Variants in CCDC102B observed in about 807,000 individuals in gnomAD.
CCDC102B encodes the protein coiled-coil domain-containing protein 102B.
Under a neutral mutation model 57.4 loss-of-function variants are expected in CCDC102B, and 75 were observed. The observed-to-expected ratio is 1.31, with a 90% CI of 1.08 to 1.58. The LOEUF (loss-of-function observed/expected upper bound fraction) is 1.58. Among genes scored for constraint, CCDC102B ranks in the 40% most tolerant of loss-of-function variants. The pLI is 0.00. For missense variants in CCDC102B, 636 were observed against 582.6 expected (o/e 1.09, Z -0.94); for synonymous variants, 206 against 201.9 (o/e 1.02, Z -0.17).
chr18:68,813,215 T>C (rs476314), intron 1 of CCDC102B, among the ~76,000 whole-genome samples: 148,858 of 152,202 alleles, frequency 0.98, 72,871 homozygotes, highest in East Asian at 1. Context: ...CTCTCTCCTG[T>C]TTCGCCATAA....
chr18:69,017,247 C>A (rs1599853807), intron 7 of CCDC102B, among the ~76,000 whole-genome samples: 1 of 152,142 alleles, frequency 6.6e-6, no homozygotes, highest in East Asian at 1.9e-4. Context: ...CCGCAAATAG[C>A]TGGGATTATA....
At position 68,860,376 on chromosome 18, in the gene CCDC102B, G is replaced by A. The variant is rs1315414766; in HGVS notation, c.936+13955G>A. Among the ~76,000 whole-genome samples the A allele has an allele frequency of 1.3e-4, 6 of 47,802 alleles. 1 individual carries two copies. The highest frequency in any genetic ancestry group is 1.2e-3 in the South Asian group (2 of 1,628). 31.4% of individuals were successfully genotyped at this position (47,802 alleles called of 152,430 possible). On this transcript the variant is annotated intron_variant, in intron 4 of 7. Coordinates refer to ENST00000360242, the MANE Select transcript of CCDC102B (RefSeq NM_024781.3). ...TAGGTGACACGTTAGTGGGTGCAGC[G>A]CACCAGCATGGCACATGTATACATA... is the stretch of plus-strand genomic sequence containing the variant.
intron 2 of CCDC102B, among the ~76,000 whole-genome samples, chr18:68,782,243 T>A (rs1357400972): frequency 2.0e-5 from 3 of 152,176 alleles, no homozygotes; most frequent in Admixed American, 2.0e-4. Context: ...TTTATATTTT[T>A]ACTTATTTGG....
intron 3 of CCDC102B, among the ~76,000 whole-genome samples, chr18:68,841,465 A>C (rs916098371): frequency 3.9e-5 from 6 of 152,196 alleles, no homozygotes; most frequent in Non-Finnish European, 1.5e-5. Context: ...TTTCATAAAG[A>C]CTTCCCAGGT....
chr18:68,759,858 A>G (rs1250940023), intron 2 of CCDC102B, among the ~76,000 whole-genome samples: 2 of 152,106 alleles, frequency 1.3e-5, no homozygotes, highest in Non-Finnish European at 2.9e-5. Context: ...AGAGTTCTGC[A>G]GGAACATTCC....
At chr18:68,897,538 C>A in intron 6 of CCDC102B, 110 bp downstream of exon 6, 1 of 1,541,386 alleles carries the variant, frequency 6.5e-7, no homozygotes, top group Non-Finnish European at 8.9e-7. Flanking sequence ...TCCTTTTGTG[C>A]CAGCTAATAC....
At chr18:68,938,091 A>G (rs997921199) in intron 6 of CCDC102B, among the ~76,000 whole-genome samples, 1 of 152,066 alleles carries the variant, frequency 6.6e-6, no homozygotes, top group Non-Finnish European at 1.5e-5. Flanking sequence ...TCATGCAGAA[A>G]AAAGGTCTCA....
In CCDC102B at chr18:68,857,938, T is replaced by C. The variant is rs1257382205; in HGVS notation, c.936+11517T>C. Among the ~76,000 whole-genome samples, 7 of 152,228 alleles carry C rather than the reference T, an allele frequency of 4.6e-5. No homozygotes were observed. In the East Asian group the frequency reaches 1.3e-3, roughly 29 times the overall value. ...TTTATTTTTAGTCTTTTCTTTTTTG[T>C]GTACCTCAGTTTAAGGTATGATGAA... On this transcript the variant is annotated intron_variant, in intron 4 of 7. Coordinates refer to ENST00000360242, the MANE Select transcript of CCDC102B (RefSeq NM_024781.3).
At chr18:68,986,893 C>G (rs190978655) in intron 6 of CCDC102B, among the ~76,000 whole-genome samples, 1 of 152,164 alleles carries the variant, frequency 6.6e-6, no homozygotes, top group Admixed American at 6.5e-5. Flanking sequence ...ATGAGGGGAA[C>G]TACAAAACAC....
chr18:68,836,019 C>T (rs1316330448), intron 1 of CCDC102B, among the ~76,000 whole-genome samples: 4 of 152,090 alleles, frequency 2.6e-5, no homozygotes, highest in Non-Finnish European at 5.9e-5. Flanking sequence ...GGCTTGTTAA[C>T]CTATAGATCA....
intron 1 of CCDC102B, among the ~76,000 whole-genome samples, chr18:68,804,598 C>T (rs939100769): frequency 6.6e-6 from 1 of 151,900 alleles, no homozygotes; most frequent in African/African-American, 2.4e-5. Flanking sequence ...GAGAGGATGC[C>T]CTCAGAAGCC....
intron 1 of CCDC102B, among the ~76,000 whole-genome samples, chr18:68,820,099 C>T (rs117311114): frequency 0.018 from 2,788 of 152,014 alleles, 58 homozygotes; most frequent in Admixed American, 0.028. Context: ...TGTATAATAC[C>T]GAACAGTAGT....
At chr18:68,795,163 T>G (rs1455943548), upstream of CCDC102B, among the ~76,000 whole-genome samples, 1 of 151,950 alleles carries the variant, frequency 6.6e-6, no homozygotes, top group Non-Finnish European at 1.5e-5. Context: ...GAGTAAGAAC[T>G]TAGGAATAGC....
intron 2 of CCDC102B, among the ~76,000 whole-genome samples, chr18:68,724,997 A>G (rs989390189): frequency 3.3e-5 from 5 of 152,200 alleles, no homozygotes; most frequent in Admixed American, 1.3e-4. Flanking sequence ...AGCTGGGAAG[A>G]CCGCAGGAAA....
At position 68,792,409 on chromosome 18, in the gene CCDC102B, C is replaced by T. The variant is rs531614769; in HGVS notation, c.-66-30957C>T. The stretch of plus-strand genomic sequence containing the variant: ...AAGCTACCAGGTTGAGAGGTAGCAA[C>T]GTAAGTTATACCATCAGACTGGGAC... On this transcript the variant is annotated intron_variant, in intron 2 of 3. Transcript: ENST00000578970. 7.9e-5 allele frequency among the ~76,000 whole-genome samples: 12 copies of T among 152,202 alleles called. No individual in the cohort carries two copies. The South Asian group carries it at 1.9e-3, about 24-fold the overall frequency.
chr18:68,731,801 A>T (rs530056892), intron 2 of CCDC102B, among the ~76,000 whole-genome samples: 1 of 149,586 alleles, frequency 6.7e-6, no homozygotes, highest in East Asian at 2.0e-4. Flanking sequence ...CTTCAGACAG[A>T]CAATAGTCTT....
intron 5 of CCDC102B, among the ~76,000 whole-genome samples, chr18:68,891,703 T>A (rs968532656): frequency 6.6e-6 from 1 of 152,214 alleles, no homozygotes; most frequent in African/African-American, 2.4e-5. Flanking sequence ...ACTTGTGTCA[T>A]TACATGGTCT....
At chr18:68,967,512 A>G (rs1421986315) in intron 6 of CCDC102B, among the ~76,000 whole-genome samples, 2 of 152,202 alleles carry the variant, frequency 1.3e-5, no homozygotes, top group Non-Finnish European at 2.9e-5. Flanking sequence ...AAGTTGAAGG[A>G]CAATTTCATG....
chr18:69,016,731 C>G (rs1254839175), intron 7 of CCDC102B, among the ~76,000 whole-genome samples: 2 of 152,174 alleles, frequency 1.3e-5, no homozygotes, highest in African/African-American at 4.8e-5. Context: ...TTTCTTTAAT[C>G]AGTCAGTCTT....
Sources: gnomAD v4.1 joint callset for allele counts (sites outside exome capture counted in the v4.1 genomes callset) on GRCh38, gnomAD v4.1.1 for gene constraint, MANE v1.5 for transcripts, NCBI Gene and HGNC (gene_info 2026-07-23, HGNC 2026-07-21) for gene names.